Variants in TAFA1 observed in about 807,000 individuals in gnomAD.
The protein encoded by TAFA1 is chemokine-like protein TAFA-1.
TAFA1 carries 4 observed loss-of-function variants against 18.5 expected under a neutral mutation model. That is an observed-to-expected ratio of 0.22 (90% CI 0.11 to 0.49). TAFA1 has a LOEUF of 0.49. TAFA1 is among the 20% of genes least tolerant of loss of function. The pLI is 0.98. For missense variants in TAFA1, 147 were observed against 169.0 expected (o/e 0.87, Z 0.72); for synonymous variants, 56 against 55.2 (o/e 1.01, Z -0.06).
chr3:68,384,026 T>C (rs1406069497), intron 2 of TAFA1, among the ~76,000 whole-genome samples: 1 of 151,960 alleles, frequency 6.6e-6, no homozygotes, highest in Non-Finnish European at 1.5e-5. Context: ...TGGTAATATA[T>C]TTGCTTTTTC....
intron 2 of TAFA1, among the ~76,000 whole-genome samples, chr3:68,363,271 C>G (rs746096017): frequency 2.6e-5 from 4 of 151,946 alleles, no homozygotes; most frequent in Non-Finnish European, 5.9e-5. Context: ...TGAATGAGAG[C>G]GGCACACATG....
At chr3:68,105,089 C>A (rs901716224) in intron 2 of TAFA1, among the ~76,000 whole-genome samples, 1 of 152,028 alleles carries the variant, frequency 6.6e-6, no homozygotes, top group East Asian at 1.9e-4. Context: ...AGGTGCCACA[C>A]TCTTTTAAAC....
chr3:68,115,345 A>G (rs957091106), intron 2 of TAFA1, among the ~76,000 whole-genome samples: 1 of 152,214 alleles, frequency 6.6e-6, no homozygotes, highest in Non-Finnish European at 1.5e-5. Context: ...CAACCCAATC[A>G]GCCCATTATT....
chr3:68,196,797 G>C (rs758573338), intron 2 of TAFA1, among the ~76,000 whole-genome samples: 5 of 151,672 alleles, frequency 3.3e-5, no homozygotes, highest in Non-Finnish European at 5.9e-5. Context: ...CTTTAGAACA[G>C]TCCTAGGAAG....
At chr3:68,133,762 A>G (rs189213538) in intron 2 of TAFA1, among the ~76,000 whole-genome samples, 23 of 152,288 alleles carry the variant, frequency 1.5e-4, no homozygotes, top group African/African-American at 1.2e-4. Flanking sequence ...CCTCACTAAC[A>G]AAAGCTTACT....
At chr3:67,994,511 C>T in the TAFA1 span, among the ~76,000 whole-genome samples, 1 of 152,178 alleles carries the variant, frequency 6.6e-6, no homozygotes, top group Non-Finnish European at 1.5e-5. Context: ...CAAGTAACAA[C>T]AGAAAGCCCA....
intron 2 of TAFA1, among the ~76,000 whole-genome samples, chr3:68,107,975 C>G (rs772318935): frequency 2.0e-5 from 3 of 152,044 alleles, no homozygotes; most frequent in Non-Finnish European, 4.4e-5. Context: ...ATGCCAAACC[C>G]TGGTGATTCA....
At chr3:68,521,104 C>G (rs2073014828) in intron 3 of TAFA1, among the ~76,000 whole-genome samples, 1 of 152,178 alleles carries the variant, frequency 6.6e-6, no homozygotes, top group Non-Finnish European at 1.5e-5. Flanking sequence ...CCTGAACTGT[C>G]TTTTATGATG....
chr3:68,050,813 G>T (rs2064462057), intron 2 of TAFA1, among the ~76,000 whole-genome samples: 1 of 152,154 alleles, frequency 6.6e-6, no homozygotes, highest in African/African-American at 2.4e-5. Context: ...GCTTTTTAGT[G>T]TGAAAGCAAC....
intron 2 of TAFA1, among the ~76,000 whole-genome samples, chr3:68,376,477 G>A (rs1028185945): frequency 6.6e-6 from 1 of 151,934 alleles, no homozygotes; most frequent in African/African-American, 2.4e-5. Flanking sequence ...TCATCATTTA[G>A]CTCCCACTTG....
At chr3:68,314,057 C>T (rs1456496745) in intron 2 of TAFA1, among the ~76,000 whole-genome samples, 1 of 152,160 alleles carries the variant, frequency 6.6e-6, no homozygotes, top group Middle Eastern at 3.4e-3. Context: ...TAAGTATACC[C>T]TTGAATAGGA....
chr3:67,999,275 C>A (rs112956822), upstream of TAFA1, among the ~76,000 whole-genome samples: 1 of 1,400 alleles, frequency 7.1e-4, no homozygotes, highest in Non-Finnish European at 2.1e-3. Context: ...TATCCCCCCC[C>A]CCCCCCTCTC....
At chr3:68,104,778 G>A (rs1208910500) in intron 2 of TAFA1, among the ~76,000 whole-genome samples, 1 of 152,200 alleles carries the variant, frequency 6.6e-6, no homozygotes, top group South Asian at 2.1e-4. Flanking sequence ...AGAGACCTTA[G>A]GGCATGCAAA....
intron 2 of TAFA1, chr3:68,246,670 A>G (rs1413851410): frequency 6.6e-6 from 1 of 150,380 alleles, no homozygotes; most frequent in African/African-American, 2.4e-5. Flanking sequence ...GTTAATACAT[A>G]ATGAGACGAT....
chr3:68,427,965 C>T (rs937611211), intron 3 of TAFA1, among the ~76,000 whole-genome samples: 15 of 151,940 alleles, frequency 9.9e-5, no homozygotes, highest in African/African-American at 3.6e-4. Flanking sequence ...CCATCCTCAG[C>T]CATGTGAAAC....
chr3:68,441,118 G>A (rs2071370424), intron 3 of TAFA1, among the ~76,000 whole-genome samples: 1 of 152,180 alleles, frequency 6.6e-6, no homozygotes, highest in African/African-American at 2.4e-5. Flanking sequence ...ACAAGGCCTA[G>A]TGGGCCTATT....
intron 2 of TAFA1, among the ~76,000 whole-genome samples, chr3:68,107,491 ACT>A (rs2065216521): frequency 6.6e-6 from 1 of 152,088 alleles, no homozygotes; most frequent in Admixed American, 6.6e-5. Context: ...AAAAGCACAC[ACT>A]CTCTTTCCTT....
chr3:68,064,351 C>T (rs2064645126), intron 2 of TAFA1, among the ~76,000 whole-genome samples: 1 of 152,082 alleles, frequency 6.6e-6, no homozygotes, highest in South Asian at 2.1e-4. Context: ...GATGAAAGGA[C>T]AAAGTTTCAG....
At chr3:68,006,047 T>G (rs1315854317) in intron 1 of TAFA1, among the ~76,000 whole-genome samples, 1 of 152,210 alleles carries the variant, frequency 6.6e-6, no homozygotes, top group Non-Finnish European at 1.5e-5. Context: ...TGAAACTCAT[T>G]CTGGCTAAAC....
Sources: gnomAD v4.1 joint callset for allele counts (sites outside exome capture counted in the v4.1 genomes callset) on GRCh38, gnomAD v4.1.1 for gene constraint, MANE v1.5 for transcripts, NCBI Gene and HGNC (gene_info 2026-07-23, HGNC 2026-07-21) for gene names.